The following CTNND2 variants were observed in gnomAD, a reference collection of about 807,000 sequenced individuals.
CTNND2 encodes catenin delta-2.
A neutral mutation model predicts 144.4 loss-of-function variants in CTNND2; 22 were observed. The observed-to-expected ratio is 0.15, with a 90% CI of 0.11 to 0.22. The LOEUF is 0.22. CTNND2 is among the 10% of genes least tolerant of loss of function. CTNND2 has a pLI of 1.00. For synonymous variants in CTNND2, 751 were observed against 695.6 expected (o/e 1.08, Z -1.25); for missense variants, 1,353 against 1,618.8 (o/e 0.84, Z 2.82).
At chr5:11,559,699 A>G (rs539912255) in intron 3 of CTNND2, among the ~76,000 whole-genome samples, 1 of 152,146 alleles carries the variant, frequency 6.6e-6, no homozygotes, top group Non-Finnish European at 1.5e-5. Flanking sequence ...TATAATCAGA[A>G]CTGCCACCTG....
chr5:11,697,819 T>C (rs1785207173), intron 2 of CTNND2, among the ~76,000 whole-genome samples: 1 of 152,166 alleles, frequency 6.6e-6, no homozygotes, highest in Non-Finnish European at 1.5e-5. Flanking sequence ...AAGGACTTTC[T>C]TAGCAGGGAT....
At chr5:11,829,083 T>C (rs1172407722) in intron 1 of CTNND2, among the ~76,000 whole-genome samples, 2 of 152,050 alleles carry the variant, frequency 1.3e-5, no homozygotes, top group Non-Finnish European at 2.9e-5. Flanking sequence ...ATTTAGAGTA[T>C]CTGGCAGAAG....
At chr5:11,293,451 G>C (rs1178859429) in intron 9 of CTNND2, among the ~76,000 whole-genome samples, 1 of 152,090 alleles carries the variant, frequency 6.6e-6, no homozygotes, top group Non-Finnish European at 1.5e-5. Flanking sequence ...TATCAGATGT[G>C]ACATTTAAAA....
intron 9 of CTNND2, among the ~76,000 whole-genome samples, chr5:11,319,462 G>A (rs1002015954): frequency 6.6e-6 from 1 of 152,158 alleles, no homozygotes; most frequent in African/African-American, 2.4e-5. Context: ...CATTTGCAAA[G>A]TTTTTGTGTG....
intron 1 of CTNND2, among the ~76,000 whole-genome samples, chr5:11,856,334 T>C (rs186195747): frequency 6.3e-4 from 96 of 152,310 alleles, no homozygotes; most frequent in African/African-American, 2.2e-3. Flanking sequence ...TAAGAAGGGA[T>C]GCTGTGGAAG....
intron 3 of CTNND2, among the ~76,000 whole-genome samples, chr5:11,448,272 T>C (rs1581219014): frequency 6.6e-6 from 1 of 152,242 alleles, no homozygotes; most frequent in East Asian, 1.9e-4. Context: ...ACTGAGGTTA[T>C]GAATTTATGT....
At chr5:11,606,102 A>G (rs953840889) in intron 2 of CTNND2, among the ~76,000 whole-genome samples, 4 of 152,172 alleles carry the variant, frequency 2.6e-5, no homozygotes, top group African/African-American at 9.6e-5. Flanking sequence ...AGATGGAGGA[A>G]TGAAGCCACG....
At chr5:11,397,488 T>C (rs1410286508) in intron 5 of CTNND2, among the ~76,000 whole-genome samples, 1 of 152,178 alleles carries the variant, frequency 6.6e-6, no homozygotes, top group Non-Finnish European at 1.5e-5. Context: ...TGAGACAAAT[T>C]AGTTAATCAA....
chr5:11,345,482 A>T (rs1754677088), intron 9 of CTNND2, among the ~76,000 whole-genome samples: 1 of 152,150 alleles, frequency 6.6e-6, no homozygotes, highest in African/African-American at 2.4e-5. Flanking sequence ...TTTGCAAAAA[A>T]ATCTATTCCA....
chr5:11,381,682 T>TG (rs1758492106), intron 7 of CTNND2, among the ~76,000 whole-genome samples: 1 of 152,110 alleles, frequency 6.6e-6, no homozygotes, highest in East Asian at 1.9e-4. Flanking sequence ...AACAAAATAT[T>TG]GGGGACCAGG....
chr5:11,647,721 G>A (rs1782433893), intron 2 of CTNND2, among the ~76,000 whole-genome samples: 1 of 151,992 alleles, frequency 6.6e-6, no homozygotes, highest in African/African-American at 2.4e-5. Flanking sequence ...GTTGCATCAG[G>A]ACCTGTGCTA....
intron 9 of CTNND2, among the ~76,000 whole-genome samples, chr5:11,265,842 G>T (rs32104): frequency 6.6e-6 from 1 of 151,316 alleles, no homozygotes; most frequent in Non-Finnish European, 1.5e-5. Flanking sequence ...CTCCCGAGTA[G>T]ATGGGATTAC....
chr5:11,398,941 C>T (rs928263377), intron 5 of CTNND2, among the ~76,000 whole-genome samples: 1 of 152,178 alleles, frequency 6.6e-6, no homozygotes, highest in Admixed American at 6.5e-5. Context: ...GACAGGCAGG[C>T]TGAGATATGG....
chr5:11,782,344 T>C (rs867667293), intron 1 of CTNND2, among the ~76,000 whole-genome samples: 6 of 149,158 alleles, frequency 4.0e-5, no homozygotes, highest in Middle Eastern at 3.4e-3. Context: ...GAACACTAAA[T>C]ACAAAAAAAA....
rs185022651 is a variant in CTNND2 at position 11,540,025 on chromosome 5, C to T, written c.287+24919G>A. ...CTCCAGCCTGGGCAACAGAACAAGA[C>T]TCGGCCTCAAAAATTAAAAATTAAA... On this transcript the variant is annotated intron_variant, in intron 3 of 21. Coordinates refer to ENST00000304623, the MANE Select transcript of CTNND2 (RefSeq NM_001332.4). Among the ~76,000 whole-genome samples the T allele has an allele frequency of 2.0e-5, 3 of 152,148 alleles. No individual in the cohort carries two copies. The East Asian group carries it at 5.8e-4, about 29-fold the overall frequency.
At chr5:11,656,096 T>C (rs1049985766) in intron 2 of CTNND2, among the ~76,000 whole-genome samples, 10 of 152,092 alleles carry the variant, frequency 6.6e-5, no homozygotes, top group Admixed American at 1.3e-4. Flanking sequence ...CATGGTTACA[T>C]AAAAAGAGAA....
intron 3 of CTNND2, among the ~76,000 whole-genome samples, chr5:11,425,245 C>T (rs1327315921): frequency 1.3e-5 from 2 of 152,202 alleles, no homozygotes; most frequent in African/African-American, 4.8e-5. Flanking sequence ...AGCATATTTA[C>T]TGAAGTTAGG....
At chr5:11,011,680 G>A (rs528809404) in intron 18 of CTNND2, among the ~76,000 whole-genome samples, 3 of 152,262 alleles carry the variant, frequency 2.0e-5, no homozygotes, top group African/African-American at 7.2e-5. Context: ...CCTTTCCATA[G>A]TAACTTTACA....
At chr5:11,874,221 A>G (rs758454926) in intron 1 of CTNND2, among the ~76,000 whole-genome samples, 42 of 152,228 alleles carry the variant, frequency 2.8e-4, no homozygotes, top group Non-Finnish European at 4.9e-4. Context: ...GAAATTTTAA[A>G]TAACCTCTGC....
Sources: gnomAD v4.1 joint callset for allele counts (sites outside exome capture counted in the v4.1 genomes callset) on GRCh38, gnomAD v4.1.1 for gene constraint, MANE v1.5 for transcripts, NCBI Gene and HGNC (gene_info 2026-07-23, HGNC 2026-07-21) for gene names.